The following ARL8A variants were observed in gnomAD, a reference collection of about 807,000 sequenced individuals.
The protein encoded by ARL8A is ADP-ribosylation factor-like protein 8A.
ARL8A carries 10 observed loss-of-function variants against 31.2 expected under a neutral mutation model. The observed-to-expected ratio is 0.32, with a 90% CI of 0.20 to 0.54. The LOEUF (loss-of-function observed/expected upper bound fraction) is 0.54, where lower values mean the gene tolerates loss of function less well. Ranked by LOEUF, ARL8A falls within the 20% of genes least tolerant of loss-of-function variation. The probability of loss-of-function intolerance (pLI) is 0.93; values close to 1 mark genes in which losing one functional copy is unlikely to be tolerated. For missense variants in ARL8A, 129 were observed against 242.8 expected, an observed-to-expected ratio of 0.53 and a Z score of 3.12; for synonymous variants, 70 against 86.9, an observed-to-expected ratio of 0.81 and a Z score of 1.08.
In ARL8A at chr1:202,144,390, G is replaced by C; in HGVS notation, c.123+60C>G. 1 of 1,081,206 alleles carries C rather than the reference G, an allele frequency of 9.2e-7. No individual in the cohort carries two copies. Among genetic ancestry groups the C allele is most frequent in the Non-Finnish European group, 1.1e-6 (1 of 879,782 alleles). 67.0% of individuals were successfully genotyped at this position (1,081,206 alleles called of 1,614,324 possible). A position where few individuals can be genotyped will look rare whatever the true frequency, so the allele number is the denominator to read the frequency against. On this transcript the variant is annotated intron_variant, in intron 1 of 6. Transcript: ENST00000272217. The surrounding 1 kb of genome is among the most constrained non-coding windows in gnomAD (Gnocchi z 5.2). ...CCCGGCTCAGCAGGGCGCGGCGCGG[G>C]CGGGGACAGGCCCGACCCGCGGCCC...
Position 202,134,050 on chromosome 1 carries a change from C to T in ARL8A, c.*417G>A, listed in dbSNP as rs1226117317. On this transcript the variant is annotated 3_prime_UTR_variant, in exon 7 of 7. Transcript: ENST00000272217. The surrounding 1 kb of genome is among the most constrained non-coding windows in gnomAD (Gnocchi z 4.2). ...AGATCCTGAAAGGCCCCTGCAGCATCAAATGGTTGATTTTAGTCTTTGCTT... is the reference window on the plus strand; with the variant it reads ...AGATCCTGAAAGGCCCCTGCAGCATTAAATGGTTGATTTTAGTCTTTGCTT... 1 of 152,490 alleles carries T rather than the reference C, an allele frequency of 6.6e-6. No individual in the cohort carries two copies. The highest frequency in any genetic ancestry group is 1.5e-5 in the Non-Finnish European group (1 of 68,292). The allele number at this position is 152,490 out of a possible 1,614,324, so 9.4% of individuals were successfully genotyped here.
At chr1:202,140,079 C>T (rs1226842745) in intron 1 of ARL8A, among the ~76,000 whole-genome samples, 1 of 151,998 alleles carries the variant, frequency 6.6e-6, no homozygotes, top group Non-Finnish European at 1.5e-5. Context: ...TATTTGGTGC[C>T]TCCATGTCCA....
chr1:202,139,776 T>C (rs1338586922), intron 1 of ARL8A, among the ~76,000 whole-genome samples: 1 of 149,240 alleles, frequency 6.7e-6, no homozygotes, highest in Non-Finnish European at 1.5e-5. Flanking sequence ...GCCTCCCCAG[T>C]AGCTGAGACC....
rs915526072 is a variant in ARL8A at position 202,144,653 on chromosome 1, C to A, written c.-81G>T. Reference sequence around the variant, plus strand: ...CGCGCTGCGGCCCGGAGCGGCCCCTCCCCGGTACGGCCCGGGTCCCGCGGC... The same window carrying A: ...CGCGCTGCGGCCCGGAGCGGCCCCTACCCGGTACGGCCCGGGTCCCGCGGC... On this transcript the variant is annotated 5_prime_UTR_variant, in exon 1 of 7. Coordinates refer to ENST00000272217, the MANE Select transcript of ARL8A (RefSeq NM_138795.4). The surrounding 1 kb of genome is among the most constrained non-coding windows in gnomAD (Gnocchi z 5.2). 1.6e-3 allele frequency: 1,882 copies of A among 1,159,468 alleles called. 2 individuals carry two copies. The highest frequency in any genetic ancestry group is 1.9e-3 in the Non-Finnish European group (1,766 of 937,222). 71.8% of individuals were successfully genotyped at this position (1,159,468 alleles called of 1,614,324 possible). A position where few individuals can be genotyped will look rare whatever the true frequency, so the allele number is the denominator to read the frequency against.
chr1:202,141,671 G>GA (rs147319368), intron 1 of ARL8A, among the ~76,000 whole-genome samples: 6,472 of 149,354 alleles, frequency 0.043, 390 homozygotes, highest in African/African-American at 0.13. Context: ...AGAAAAAAAA[G>GA]AAAAAAAAAT....
At chr1:202,141,900 T>C (rs1211099894) in intron 1 of ARL8A, among the ~76,000 whole-genome samples, 2 of 151,878 alleles carry the variant, frequency 1.3e-5, no homozygotes, top group Non-Finnish European at 2.9e-5. Context: ...GTTTCGCTCT[T>C]GTTGCCCAGG....
rs1389341220 is a variant in ARL8A at position 202,144,471 on chromosome 1, G to C, written c.102C>G (p.Thr34=). The change falls in exon 1 of 7, where the codon ACC becomes ACG. Residue 34 remains threonine (T), a synonymous_variant. Transcript: ENST00000272217. The surrounding 1 kb of genome is among the most constrained non-coding windows in gnomAD (Gnocchi z 5.2). ...TLVGLQYSGK[T]TFVNVIASGQ... The stretch of plus-strand genomic sequence containing the variant: ...GTACCGCGATCACGTTGACGAAGGT[G>C]GTCTTGCCCGAGTACTGAAGCCCGA... 1 of 1,466,142 alleles carries C rather than the reference G, an allele frequency of 6.8e-7. No homozygotes were observed. Among genetic ancestry groups the C allele is most frequent in the South Asian group, 1.2e-5 (1 of 86,398 alleles). The allele number at this position is 1,466,142 out of a possible 1,614,324, so 90.8% of individuals were successfully genotyped here. A position where few individuals can be genotyped will look rare whatever the true frequency, so the allele number is the denominator to read the frequency against.
At position 202,144,267 on chromosome 1, in the gene ARL8A, G is replaced by T. The variant is rs1398930025; in HGVS notation, c.123+183C>A. ...GAGAGAGCGGGTCGCGCGCCGCCCC[G>T]GTCCCCCACGGCACGGGCCGTACTA... On this transcript the variant is annotated intron_variant, in intron 1 of 6. Transcript: ENST00000272217. The surrounding 1 kb of genome is among the most constrained non-coding windows in gnomAD (Gnocchi z 5.2). Among the ~76,000 whole-genome samples the T allele has an allele frequency of 3.3e-5, 5 of 151,630 alleles. No homozygotes were observed. Among genetic ancestry groups the T allele is most frequent in the Non-Finnish European group, 7.4e-5 (5 of 67,828 alleles).
intron 3 of ARL8A, among the ~76,000 whole-genome samples, chr1:202,136,382 C>A (rs916591534): frequency 6.6e-6 from 1 of 151,610 alleles, no homozygotes; most frequent in East Asian, 2.0e-4. Flanking sequence ...CAGGTTCAAG[C>A]GATTCTCCTG....
At position 202,138,522 on chromosome 1, in the gene ARL8A, A is replaced by G; in HGVS notation, c.124-74T>C. 7.0e-7 allele frequency: 1 copy of G among 1,425,584 alleles called. No homozygotes were observed. Among genetic ancestry groups the G allele is most frequent in the Non-Finnish European group, 9.9e-7 (1 of 1,011,028 alleles). The allele number at this position is 1,425,584 out of a possible 1,614,324, so 88.3% of individuals were successfully genotyped here. A position where few individuals can be genotyped will look rare whatever the true frequency, so the allele number is the denominator to read the frequency against. On this transcript the variant is annotated intron_variant, in intron 1 of 6. Transcript: ENST00000272217. This position sits in a 1 kb window ranked among gnomAD's most constrained non-coding sequence, Gnocchi z 4.4. ...CCACCGCAGACCAAGAGGCTGCGAGAACCATGCAGAGGCCAGGCCAGAGCT... is the reference window on the plus strand; with the variant it reads ...CCACCGCAGACCAAGAGGCTGCGAGGACCATGCAGAGGCCAGGCCAGAGCT...
Position 202,144,383 on chromosome 1 carries a change from G to T in ARL8A, c.123+67C>A. On this transcript the variant is annotated intron_variant, in intron 1 of 6. Coordinates refer to ENST00000272217, the MANE Select transcript of ARL8A (RefSeq NM_138795.4). The surrounding 1 kb of genome is among the most constrained non-coding windows in gnomAD (Gnocchi z 5.2). ...CGGCGACCCCGGCTCAGCAGGGCGC[G>T]GCGCGGGCGGGGACAGGCCCGACCC... 5 of 1,021,412 alleles carry T rather than the reference G, an allele frequency of 4.9e-6. No individual in the cohort carries two copies. Among genetic ancestry groups the T allele is most frequent in the Non-Finnish European group, 5.9e-6 (5 of 848,662 alleles). 63.3% of individuals were successfully genotyped at this position (1,021,412 alleles called of 1,614,324 possible).
At chr1:202,137,925 G>A (rs371908630) in intron 3 of ARL8A, 40 bp downstream of exon 3, 76 of 1,610,266 alleles carry the variant, frequency 4.7e-5, no homozygotes, top group Middle Eastern at 1.7e-4. Context: ...TAGGGGGGCC[G>A]GGTAAGGCTG....
chr1:202,135,487 A>G lies in ARL8A; in HGVS notation c.412T>C (p.Leu138=), dbSNP rs144483766. 1.5e-4 allele frequency: 241 copies of G among 1,613,996 alleles called. 2 individuals are homozygous for G. In the East Asian group the frequency reaches 4.5e-3, roughly 30 times the overall value. The change falls in exon 5 of 7, where the codon TTG becomes CTG. Residue 138 remains leucine, a synonymous_variant. Transcript: ENST00000272217. This position sits in a 1 kb window ranked among gnomAD's most constrained non-coding sequence, Gnocchi z 5.3. ...TTCTCAATCAGCTCCTTCTCATCCAATGCTCCCGGAAGGTCTCGCTTGTTA... is the reference window on the plus strand; with the variant it reads ...TTCTCAATCAGCTCCTTCTCATCCAGTGCTCCCGGAAGGTCTCGCTTGTTA... The part of the protein sequence containing the change: ...LGNKRDLPGA[L]DEKELIEKMN...
intron 1 of ARL8A, among the ~76,000 whole-genome samples, chr1:202,142,966 A>T (rs1444055340): frequency 6.6e-6 from 1 of 152,122 alleles, no homozygotes; most frequent in Admixed American, 6.5e-5. Context: ...TCCAGGTGTT[A>T]TGTGCCTGCT....
At chr1:202,142,808 G>C (rs977646363) in intron 1 of ARL8A, among the ~76,000 whole-genome samples, 6 of 152,050 alleles carry the variant, frequency 3.9e-5, no homozygotes, top group Non-Finnish European at 7.4e-5. Context: ...CCCAGAAACC[G>C]AACCCACCCG....
chr1:202,142,029 G>A (rs920592350), intron 1 of ARL8A, among the ~76,000 whole-genome samples: 1 of 152,216 alleles, frequency 6.6e-6, no homozygotes, highest in Non-Finnish European at 1.5e-5. Context: ...CACCATGCCT[G>A]GCTAATTTTT....
chr1:202,138,398 G>C lies in ARL8A; in HGVS notation c.174C>G (p.Arg58=), dbSNP rs748482990. ...DMIPTVGFNM[R]KITKGNVTIK... ...TAGTCACATTCCCTTTGGTGATTTTGCGCATGTTGAAACCCACGGTGGGGA... is the reference window on the plus strand; with the variant it reads ...TAGTCACATTCCCTTTGGTGATTTTCCGCATGTTGAAACCCACGGTGGGGA... Residue 58 remains arginine, a synonymous_variant, in exon 2 of 7, where the codon CGC becomes CGG. Transcript: ENST00000272217. The surrounding 1 kb of genome is among the most constrained non-coding windows in gnomAD (Gnocchi z 4.4). 1.2e-5 allele frequency: 20 copies of C among 1,613,844 alleles called. No individual in the cohort carries two copies. In the South Asian group the frequency reaches 2.2e-4, roughly 18 times the overall value.
intron 3 of ARL8A, 124 bp downstream of exon 3, chr1:202,137,841 C>A: frequency 9.4e-7 from 1 of 1,069,226 alleles, no homozygotes; most frequent in Non-Finnish European, 1.4e-6. Flanking sequence ...GGCCCTGGAC[C>A]GACACTGTGT....
chr1:202,142,325 C>T (rs559873634), intron 1 of ARL8A, among the ~76,000 whole-genome samples: 1 of 152,324 alleles, frequency 6.6e-6, no homozygotes, highest in South Asian at 2.1e-4. Context: ...CAAACAGAGG[C>T]CAAATGAACA....
Sources: allele counts gnomAD v4.1 joint callset (sites outside exome capture counted in the v4.1 genomes callset), GRCh38; gene constraint gnomAD v4.1.1; non-coding constraint Gnocchi (gnomAD v3.1); transcripts MANE v1.5; gene names NCBI Gene and HGNC (gene_info 2026-07-23, HGNC 2026-07-21).